DLGAP2: variants seen among roughly 807,000 people sequenced by gnomAD.
DLGAP2 encodes the protein disks large-associated protein 2.
DLGAP2 carries 26 observed loss-of-function variants against 100.3 expected under a neutral mutation model. That is an observed-to-expected ratio of 0.26 (90% CI 0.19 to 0.36). The LOEUF is 0.36. Ranked by LOEUF, DLGAP2 falls within the 10% of genes least tolerant of loss-of-function variation. The probability of loss-of-function intolerance (pLI) is 1.00; values close to 1 mark genes in which losing one functional copy is unlikely to be tolerated. For missense variants in DLGAP2, 1,858 were observed against 1,453.2 expected, an observed-to-expected ratio of 1.28 and a Z score of -4.53; for synonymous variants, 886 against 630.1, an observed-to-expected ratio of 1.41 and a Z score of -6.08.
intron 2 of DLGAP2, among the ~76,000 whole-genome samples, chr8:1,041,433 C>T (rs1213963966): frequency 2.0e-5 from 3 of 152,202 alleles, no homozygotes; most frequent in African/African-American, 7.2e-5. Flanking sequence ...GTTTCAAAGC[C>T]CAGGTTTTGG....
In DLGAP2 at chr8:1,427,887, T is replaced by A. The variant is rs533343429; in HGVS notation, c.107-73479T>A. Among the ~76,000 whole-genome samples, 4 of 152,208 alleles carry A rather than the reference T, an allele frequency of 2.6e-5. No individual in the cohort carries two copies. The East Asian group carries it at 7.7e-4, about 29-fold the overall frequency. ...TTGACCAATACAGTACTCTTCTCCA[T>A]AATTCATAACTTAACAGTGCCGCAA... On this transcript the variant is annotated intron_variant, in intron 3 of 14. Transcript: ENST00000637795.
intron 1 of DLGAP2, among the ~76,000 whole-genome samples, chr8:891,892 G>A (rs901297043): frequency 2.6e-5 from 4 of 152,184 alleles, no homozygotes; most frequent in Admixed American, 1.3e-4. Context: ...CAGGGAAGCC[G>A]GGCTAGTGAC....
chr8:982,376 G>A (rs923207459), intron 2 of DLGAP2, among the ~76,000 whole-genome samples: 2 of 152,102 alleles, frequency 1.3e-5, no homozygotes, highest in Non-Finnish European at 2.9e-5. Flanking sequence ...TATTTTTGTG[G>A]CTTCTTTACT....
intron 2 of DLGAP2, among the ~76,000 whole-genome samples, chr8:1,110,270 G>A (rs1385134082): frequency 2.1e-4 from 29 of 139,600 alleles, no homozygotes; most frequent in African/African-American, 7.1e-4. Flanking sequence ...TCTGTGACAT[G>A]TGCTGGATCT....
chr8:1,537,128 C>A lies in DLGAP2; in HGVS notation c.173-11498C>A, dbSNP rs190874197. ...GTGGTGTGTGGTATGTGGTAGACCC[C>A]TGCAGCTCTGCAGCCTGGCTGTCAA... On this transcript the variant is annotated intron_variant, in intron 4 of 14. Transcript: ENST00000637795. Among the ~76,000 whole-genome samples, 419 of 152,088 alleles carry A rather than the reference C, an allele frequency of 2.8e-3. 1 individual carries two copies. The highest frequency in any genetic ancestry group is 4.3e-3 in the Non-Finnish European group (292 of 68,006).
rs1473969813 is a variant in DLGAP2, at chr8:1,704,847, G to A, written c.*3441G>A. 6.6e-6 allele frequency: 1 copy of A among 152,086 alleles called. No individual in the cohort carries two copies. The highest frequency in any genetic ancestry group is 1.5e-5 in the Non-Finnish European group (1 of 68,016). The allele number at this position is 152,086 out of a possible 1,614,324, so 9.4% of individuals were successfully genotyped here. ...TTTCCCTGCTGCTTCTTATGAAAGT[G>A]GCCAGGTTTATTATTAGAAGACACA... On this transcript the variant is annotated 3_prime_UTR_variant, in exon 15 of 15. Transcript: ENST00000637795.
chr8:1,239,430 C>T (rs1186282980), intron 2 of DLGAP2, among the ~76,000 whole-genome samples: 5 of 13,052 alleles, frequency 3.8e-4, no homozygotes, highest in Admixed American at 1.4e-3. Flanking sequence ...ATGTCTAGTT[C>T]TCTCTCACAT....
chr8:1,028,174 AT>A (rs1305926566), intron 2 of DLGAP2, among the ~76,000 whole-genome samples: 2 of 141,158 alleles, frequency 1.4e-5, no homozygotes, highest in Non-Finnish European at 3.1e-5. Context: ...GGCGCCCGTT[AT>A]TCTCCAGTTG....
chr8:968,721 G>A (rs1799941349), intron 2 of DLGAP2, among the ~76,000 whole-genome samples: 1 of 152,176 alleles, frequency 6.6e-6, no homozygotes, highest in African/African-American at 2.4e-5. Flanking sequence ...GGCAGCACCT[G>A]TGTCAGCGAG....
intron 3 of DLGAP2, among the ~76,000 whole-genome samples, chr8:1,478,173 A>G (rs1390150174): frequency 1.3e-5 from 2 of 152,096 alleles, no homozygotes; most frequent in Non-Finnish European, 2.9e-5. Flanking sequence ...ACTCTCTTCC[A>G]TTCATCTTAC....
intron 14 of DLGAP2, among the ~76,000 whole-genome samples, chr8:1,699,246 T>C (rs1176842537): frequency 2.6e-5 from 4 of 152,084 alleles, no homozygotes; most frequent in African/African-American, 4.8e-5. Flanking sequence ...CCAAGGTGGG[T>C]GGATCACGAG....
At chr8:1,123,539 A>G (rs927651136) in intron 2 of DLGAP2, among the ~76,000 whole-genome samples, 1 of 152,228 alleles carries the variant, frequency 6.6e-6, no homozygotes, top group Non-Finnish European at 1.5e-5. Flanking sequence ...AAAAATCATT[A>G]CAGTGTCAGA....
At chr8:1,580,385 C>A (rs1417859929) in intron 6 of DLGAP2, among the ~76,000 whole-genome samples, 1 of 152,158 alleles carries the variant, frequency 6.6e-6, no homozygotes, top group African/African-American at 2.4e-5. Flanking sequence ...ACGAAGAAAT[C>A]AGTGACCTTG....
At chr8:1,518,055 C>A (rs148284778) in intron 4 of DLGAP2, among the ~76,000 whole-genome samples, 1 of 152,336 alleles carries the variant, frequency 6.6e-6, no homozygotes, top group African/African-American at 2.4e-5. Flanking sequence ...GTGATTAAAA[C>A]TGATGGCTGC....
chr8:1,207,013 A>G lies in DLGAP2; in HGVS notation c.74-51838A>G, dbSNP rs536356341. ...CAGAGAGGCTCCTCCTGTCCCCACC[A>G]CACACAGAGCTCACCCAGGTTTCAC... On this transcript the variant is annotated intron_variant, in intron 2 of 14. Transcript: ENST00000637795. Among the ~76,000 whole-genome samples, 4 of 152,098 alleles carry G rather than the reference A, an allele frequency of 2.6e-5. No homozygotes were observed. In the East Asian group the frequency reaches 7.8e-4, roughly 29 times the overall value.
intron 1 of DLGAP2, among the ~76,000 whole-genome samples, chr8:742,961 G>C (rs1037076720): frequency 6.6e-6 from 1 of 152,176 alleles, no homozygotes; most frequent in African/African-American, 2.4e-5. Flanking sequence ...TGCTGGATTA[G>C]TCTTGACTAT....
intron 1 of DLGAP2, among the ~76,000 whole-genome samples, chr8:771,412 C>T (rs559917645): frequency 2.0e-5 from 3 of 152,306 alleles, no homozygotes; most frequent in Non-Finnish European, 4.4e-5. Context: ...TTCAGAAACA[C>T]ATTTTGATTT....
intron 4 of DLGAP2, among the ~76,000 whole-genome samples, chr8:1,501,771 T>C (rs1023300552): frequency 2.0e-5 from 3 of 152,124 alleles, no homozygotes; most frequent in African/African-American, 7.2e-5. Context: ...TGTTCCCGCA[T>C]TTGCATTTTT....
At chr8:1,494,053 G>C (rs1396917262) in intron 3 of DLGAP2, among the ~76,000 whole-genome samples, 3 of 152,104 alleles carry the variant, frequency 2.0e-5, no homozygotes, top group African/African-American at 7.2e-5. Context: ...GGGGGGGGCA[G>C]TAGGATGAAC....
Sources: allele counts gnomAD v4.1 joint callset (sites outside exome capture counted in the v4.1 genomes callset), GRCh38; gene constraint gnomAD v4.1.1; transcripts MANE v1.5; gene names NCBI Gene and HGNC (gene_info 2026-07-23, HGNC 2026-07-21).